MSRA: variants seen among roughly 807,000 people sequenced by gnomAD.
MSRA encodes the protein methionine sulfoxide reductase A, also known as mitochondrial peptide methionine sulfoxide reductase.
Under a neutral mutation model 31.3 loss-of-function variants are expected in MSRA, and 54 were observed. That is an observed-to-expected ratio of 1.73 (90% confidence interval 1.39 to 2.17). MSRA has a LOEUF of 2.17. MSRA is among the 30% of genes most tolerant of loss of function. MSRA has a pLI of 0.00. For missense variants in MSRA, 507 were observed against 300.9 expected (o/e 1.69, Z -5.07); for synonymous variants, 169 against 116.5 (o/e 1.45, Z -2.90).
At chr8:10,409,358 T>A (rs1808017607) in intron 5 of MSRA, among the ~76,000 whole-genome samples, 1 of 152,254 alleles carries the variant, frequency 6.6e-6, no homozygotes, top group Non-Finnish European at 1.5e-5. Context: ...GTGGGCCGTT[T>A]GTTTTTAAAT....
At chr8:10,103,743 C>T (rs536531645) in intron 1 of MSRA, among the ~76,000 whole-genome samples, 5 of 151,434 alleles carry the variant, frequency 3.3e-5, no homozygotes, top group South Asian at 2.1e-4. Flanking sequence ...GTTTAAATAT[C>T]GAAGACCTTC....
intron 3 of MSRA, among the ~76,000 whole-genome samples, chr8:10,298,047 G>A (rs554136194): frequency 3.3e-4 from 51 of 152,286 alleles, no homozygotes; most frequent in East Asian, 1.9e-4. Flanking sequence ...AACCTGGTTC[G>A]CGTATGACTG....
intron 5 of MSRA, among the ~76,000 whole-genome samples, chr8:10,422,827 CTT>C (rs759935301): frequency 1.2e-4 from 18 of 152,204 alleles, no homozygotes; most frequent in Non-Finnish European, 2.1e-4. Context: ...AAGAGCACCT[CTT>C]TCCAGGCTTT....
chr8:10,069,784 A>G (rs1346378934), intron 1 of MSRA, among the ~76,000 whole-genome samples: 1 of 152,224 alleles, frequency 6.6e-6, no homozygotes, highest in Non-Finnish European at 1.5e-5. Context: ...TGGAGGGGAC[A>G]CATTCAAACC....
At chr8:10,157,225 A>G (rs751660575) in intron 1 of MSRA, among the ~76,000 whole-genome samples, 1 of 152,148 alleles carries the variant, frequency 6.6e-6, no homozygotes, top group African/African-American at 2.4e-5. Context: ...GGTAGTAAAG[A>G]TCTCGTTAAC....
At chr8:10,067,639 A>G (rs1797526229) in intron 1 of MSRA, among the ~76,000 whole-genome samples, 1 of 152,212 alleles carries the variant, frequency 6.6e-6, no homozygotes, top group Non-Finnish European at 1.5e-5. Flanking sequence ...GCCACCAGCA[A>G]TAAATGAGGG....
intron 1 of MSRA, among the ~76,000 whole-genome samples, chr8:10,115,475 C>T (rs550947005): frequency 1.6e-4 from 25 of 152,288 alleles, no homozygotes; most frequent in African/African-American, 5.1e-4. Flanking sequence ...TCCAGCACCT[C>T]GATGTTTGGA....
At chr8:10,172,108 G>A (rs1805641706) in intron 1 of MSRA, among the ~76,000 whole-genome samples, 1 of 152,208 alleles carries the variant, frequency 6.6e-6, no homozygotes, top group African/African-American at 2.4e-5. Flanking sequence ...CCGGGGTCAG[G>A]AATGGCAGGG....
At chr8:10,365,877 T>C (rs1805135256) in intron 5 of MSRA, among the ~76,000 whole-genome samples, 1 of 152,224 alleles carries the variant, frequency 6.6e-6, no homozygotes, top group African/African-American at 2.4e-5. Context: ...GACTCCTGGC[T>C]CCAGGCATCT....
chr8:10,399,218 C>T (rs1170904929), intron 5 of MSRA, among the ~76,000 whole-genome samples: 2 of 152,182 alleles, frequency 1.3e-5, no homozygotes, highest in Non-Finnish European at 2.9e-5. Context: ...CAATCTGTAT[C>T]CTCAGATCTG....
intron 1 of MSRA, among the ~76,000 whole-genome samples, chr8:10,119,971 A>G (rs937795518): frequency 7.2e-5 from 11 of 152,334 alleles, no homozygotes; most frequent in East Asian, 1.9e-4. Context: ...GAAGAGAGCA[A>G]TGACAAGTAT....
intron 5 of MSRA, among the ~76,000 whole-genome samples, chr8:10,384,044 T>G (rs1806236782): frequency 6.6e-6 from 1 of 152,168 alleles, no homozygotes; most frequent in African/African-American, 2.4e-5. Context: ...TGGAGCCCCC[T>G]TGCTCTGTGA....
intron 3 of MSRA, among the ~76,000 whole-genome samples, chr8:10,293,787 C>T (rs1417927028): frequency 2.0e-5 from 3 of 152,096 alleles, no homozygotes; most frequent in Non-Finnish European, 4.4e-5. Flanking sequence ...TCTGGGGCTC[C>T]TGTGAGTCTC....
At chr8:10,136,007 G>A (rs1008963292) in intron 1 of MSRA, among the ~76,000 whole-genome samples, 1 of 152,148 alleles carries the variant, frequency 6.6e-6, no homozygotes, top group Non-Finnish European at 1.5e-5. Flanking sequence ...TGAGGTGAGG[G>A]GACCTGCATG....
At chr8:10,249,195 G>A (rs1353714652) in intron 3 of MSRA, among the ~76,000 whole-genome samples, 1 of 152,036 alleles carries the variant, frequency 6.6e-6, no homozygotes, top group Admixed American at 6.5e-5. Flanking sequence ...CCTCCTGTGG[G>A]GATTATTTAC....
intron 1 of MSRA, among the ~76,000 whole-genome samples, chr8:10,101,753 A>G (rs1799542970): frequency 6.6e-6 from 1 of 152,202 alleles, no homozygotes; most frequent in Non-Finnish European, 1.5e-5. Flanking sequence ...ACTCTATTGT[A>G]TGGACAGACC....
intron 5 of MSRA, among the ~76,000 whole-genome samples, chr8:10,365,252 C>T (rs1563398174): frequency 6.6e-6 from 1 of 151,830 alleles, no homozygotes; most frequent in Admixed American, 6.6e-5. Context: ...TCCTGACCAG[C>T]TTGTACCCCT....
At chr8:10,408,486 G>T (rs565237784) in intron 5 of MSRA, among the ~76,000 whole-genome samples, 1 of 152,254 alleles carries the variant, frequency 6.6e-6, no homozygotes, top group East Asian at 1.9e-4. Flanking sequence ...CCTGCAGTGA[G>T]CTGTGAGCAT....
chr8:10,408,863 C>G (rs1807983742), intron 5 of MSRA, among the ~76,000 whole-genome samples: 1 of 152,072 alleles, frequency 6.6e-6, no homozygotes, highest in Non-Finnish European at 1.5e-5. Context: ...ATAATGGCCT[C>G]CAGTTCTCTC....
Sources: gnomAD v4.1 joint callset for allele counts (sites outside exome capture counted in the v4.1 genomes callset) on GRCh38, gnomAD v4.1.1 for gene constraint, MANE v1.5 for transcripts, NCBI Gene and HGNC (gene_info 2026-07-23, HGNC 2026-07-21) for gene names.